PADI4: variants seen among roughly 807,000 people sequenced by gnomAD.
The protein encoded by PADI4 is peptidyl arginine deiminase 4.
Under a neutral mutation model 75.0 loss-of-function variants are expected in PADI4, and 62 were observed. That is an observed-to-expected ratio of 0.83 (90% CI 0.67 to 1.02). The LOEUF (loss-of-function observed/expected upper bound fraction) is 1.02, where lower values mean the gene tolerates loss of function less well. PADI4 is among the 50% of genes least tolerant of loss of function. The pLI is 0.00. For synonymous variants in PADI4, 361 were observed against 348.1 expected, an observed-to-expected ratio of 1.04 and a Z score of -0.41; for missense variants, 845 against 850.5, an observed-to-expected ratio of 0.99 and a Z score of 0.08.
chr1:17,313,168 C>A (rs886861487), intron 1 of PADI4, among the ~76,000 whole-genome samples: 1 of 150,696 alleles, frequency 6.6e-6, no homozygotes, highest in Non-Finnish European at 1.5e-5. Context: ...CCAGCCTAGG[C>A]GACAGAGCGA....
At position 17,352,045 on chromosome 1, in the gene PADI4, C is replaced by T. The variant is rs552263813; in HGVS notation, c.1156-2488C>T. ...GCCAGGGAGGTGATGGGAGGAGAGG[C>T]AGTCAGGGAGGTGATGGGAGGTGGG... On this transcript the variant is annotated intron_variant, in intron 10 of 15. Transcript: ENST00000375448. 1.4e-3 allele frequency among the ~76,000 whole-genome samples: 103 copies of T among 74,612 alleles called. 3 individuals carry two copies. Among genetic ancestry groups the T allele is most frequent in the African/African-American group, 6.0e-3 (92 of 15,360 alleles). 48.9% of individuals were successfully genotyped at this position (74,612 alleles called of 152,430 possible).
intron 13 of PADI4, 135 bp from the exon 14 acceptor site, chr1:17,358,703 C>G: frequency 3.0e-6 from 2 of 673,656 alleles, no homozygotes; most frequent in Non-Finnish European, 5.4e-6. Flanking sequence ...ATGCTCACAG[C>G]AAACCTGTAT....
rs970708731 is a variant in PADI4 at position 17,356,894 on chromosome 1, G to A, written c.1558+435G>A. 3.9e-5 allele frequency among the ~76,000 whole-genome samples: 6 copies of A among 152,310 alleles called. No individual in the cohort carries two copies. In the East Asian group the frequency reaches 5.8e-4, roughly 15 times the overall value. On this transcript the variant is annotated intron_variant, in intron 13 of 15. Transcript: ENST00000375448. The surrounding 1 kb of genome is among the most constrained non-coding windows in gnomAD (Gnocchi z 4.1). ...GTGTGTGAGGACCTCGGGGAGGTTCGGTATAGCTGGAGCACAGATGAAATA... is the reference window on the plus strand; with the variant it reads ...GTGTGTGAGGACCTCGGGGAGGTTCAGTATAGCTGGAGCACAGATGAAATA...
chr1:17,336,294 T>C lies in PADI4; in HGVS notation c.408+68T>C, dbSNP rs143228196. The C allele has an allele frequency of 4.2e-4, 481 of 1,140,208 alleles. 8 individuals are homozygous for C. The East Asian group carries it at 0.011, about 26-fold the overall frequency. The allele number at this position is 1,140,208 out of a possible 1,614,324, so 70.6% of individuals were successfully genotyped here. On this transcript the variant is annotated intron_variant, in intron 4 of 15. Coordinates refer to ENST00000375448, the MANE Select transcript of PADI4 (RefSeq NM_012387.3). Reference sequence around the variant, plus strand: ...CTCCCCGGGCGCCCCCTTGTGGTGATGGGGCAAATGCTGGCCTGTCCCACG... The same window carrying C: ...CTCCCCGGGCGCCCCCTTGTGGTGACGGGGCAAATGCTGGCCTGTCCCACG...
In PADI4 at chr1:17,342,025, C is replaced by A; in HGVS notation, c.735C>A (p.His245Gln). ...SHYLMVPGGKHNMDFYVEALA... is the reference protein window; with the variant it reads ...SHYLMVPGGKQNMDFYVEALA... ...ACCTGATGGTCCCCGGTGGAAAGCACAACATGGACTTCTACGTGGAGGCCC... is the reference window on the plus strand; with the variant it reads ...ACCTGATGGTCCCCGGTGGAAAGCAAAACATGGACTTCTACGTGGAGGCCC... Residue 245 changes from histidine (H) to glutamine (Q), a missense_variant, in exon 7 of 16, where the codon CAC (histidine) becomes CAA (glutamine). Physicochemically the swap from His to Gln is conservative, Grantham distance 24 (BLOSUM62 0). Transcript: ENST00000375448. The A allele has an allele frequency of 6.2e-7, 1 of 1,613,910 alleles. No homozygotes were observed. The highest frequency in any genetic ancestry group is 8.5e-7 in the Non-Finnish European group (1 of 1,179,760).
At chr1:17,355,018 G>A (rs1009642467) in intron 11 of PADI4, among the ~76,000 whole-genome samples, 10 of 152,150 alleles carry the variant, frequency 6.6e-5, no homozygotes, top group Non-Finnish European at 8.8e-5. Context: ...TAGAAAAGTA[G>A]ACAAGATAAC....
At chr1:17,337,722 C>A (rs900005173) in intron 4 of PADI4, among the ~76,000 whole-genome samples, 2 of 151,944 alleles carry the variant, frequency 1.3e-5, no homozygotes, top group Non-Finnish European at 2.9e-5. Flanking sequence ...TTGAGCCATC[C>A]TGGCCAACAT....
chr1:17,356,288 A>C lies in PADI4; in HGVS notation c.1456-69A>C. 1 of 1,302,572 alleles carries C rather than the reference A, an allele frequency of 7.7e-7. No individual in the cohort carries two copies. Among genetic ancestry groups the C allele is most frequent in the Non-Finnish European group, 1.1e-6 (1 of 934,088 alleles). The allele number at this position is 1,302,572 out of a possible 1,614,324, so 80.7% of individuals were successfully genotyped here. ...CCAAGTCCACACTACTCCCACCCTC[A>C]GCAGATCCACCCTCGTTGGGAGCTC... On this transcript the variant is annotated intron_variant, in intron 12 of 15. Coordinates refer to ENST00000375448, the MANE Select transcript of PADI4 (RefSeq NM_012387.3). The surrounding 1 kb of genome is among the most constrained non-coding windows in gnomAD (Gnocchi z 4.1).
intron 6 of PADI4, among the ~76,000 whole-genome samples, chr1:17,341,448 A>C (rs956233410): frequency 6.6e-6 from 1 of 152,132 alleles, no homozygotes; most frequent in Admixed American, 6.5e-5. Flanking sequence ...TGACAGGTCA[A>C]CTTATTGCCT....
intron 15 of PADI4, among the ~76,000 whole-genome samples, chr1:17,363,255 A>T (rs892824431): frequency 6.6e-6 from 1 of 152,206 alleles, no homozygotes; most frequent in Non-Finnish European, 1.5e-5. Context: ...AGTAGCTGGG[A>T]CCACAGGCAC....
intron 3 of PADI4, among the ~76,000 whole-genome samples, chr1:17,335,542 C>T (rs2074294465): frequency 6.6e-6 from 1 of 152,212 alleles, no homozygotes; most frequent in Non-Finnish European, 1.5e-5. Flanking sequence ...CCATATCATG[C>T]TGTGGGGCAC....
intron 1 of PADI4, 55 bp downstream of exon 1, chr1:17,308,369 C>A: frequency 7.4e-7 from 1 of 1,357,162 alleles, no homozygotes; most frequent in Non-Finnish European, 1.1e-6. Context: ...GCTGGATGAC[C>A]CAGTTCTACT....
intron 1 of PADI4, among the ~76,000 whole-genome samples, chr1:17,314,592 G>T (rs1327787603): frequency 6.6e-6 from 1 of 152,208 alleles, no homozygotes; most frequent in Non-Finnish European, 1.5e-5. Flanking sequence ...CAACCACCCA[G>T]GAAGCAGGTC....
chr1:17,336,227 GT>G lies in PADI4; in HGVS notation c.408+2del, dbSNP rs767546530. 36 of 1,612,702 alleles carry G rather than the reference GT, an allele frequency of 2.2e-5. No individual in the cohort carries two copies. The Admixed American group carries it at 6.0e-4, about 27-fold the overall frequency. On this transcript the variant is annotated splice_donor_variant, in intron 4 of 15. Transcript: ENST00000375448. LOFTEE classifies it high-confidence loss of function. ...GCCAACCAGAGCTGTGAAAGATCAG[GT>G]ACCACTCACCCAAACGCTCCTTTCC...
At chr1:17,359,140 C>A (rs2100256832) in intron 14 of PADI4, 140 bp from the exon 15 acceptor site, 2 of 711,700 alleles carry the variant, frequency 2.8e-6, no homozygotes, top group Non-Finnish European at 4.8e-6. Context: ...TGCAGTGAGG[C>A]CTGGCAGCCA....
chr1:17,363,793 T>G lies in PADI4; in HGVS notation c.*38T>G. 7.0e-7 allele frequency: 1 copy of G among 1,422,344 alleles called. No individual in the cohort carries two copies. 88.1% of individuals were successfully genotyped at this position (1,422,344 alleles called of 1,614,324 possible). A position where few individuals can be genotyped will look rare whatever the true frequency, so the allele number is the denominator to read the frequency against. Reference sequence around the variant, plus strand: ...TGGCGTCCTCTCCCTCCTGGCCAGATGTCGCTGGGTCCTCTGCAGTGTGGC... The same window carrying G: ...TGGCGTCCTCTCCCTCCTGGCCAGAGGTCGCTGGGTCCTCTGCAGTGTGGC... On this transcript the variant is annotated 3_prime_UTR_variant, in exon 16 of 16. Transcript: ENST00000375448.
At chr1:17,311,032 C>T (rs1331863886) in intron 1 of PADI4, among the ~76,000 whole-genome samples, 6 of 150,594 alleles carry the variant, frequency 4.0e-5, no homozygotes, top group African/African-American at 7.4e-5. Context: ...AGGAGGCGGA[C>T]GCTGCAGTGA....
chr1:17,344,851 A>C (rs2074487046), intron 8 of PADI4, among the ~76,000 whole-genome samples: 1 of 152,256 alleles, frequency 6.6e-6, no homozygotes, highest in Non-Finnish European at 1.5e-5. Context: ...CTGCTACAGC[A>C]GTGCAGAGGG....
At position 17,339,704 on chromosome 1, in the gene PADI4, G is replaced by A. The variant is rs951497885; in HGVS notation, c.543G>A (p.Ser181=). ...VLDSEDLQDM[S]LMTLSTKTPK... is the part of the protein sequence containing the mutation. Reference sequence around the variant, plus strand: ...TCATCCCAGACCTGCAGGACATGTCGCTGATGACCCTGAGCACGAAGACCC... The same window carrying A: ...TCATCCCAGACCTGCAGGACATGTCACTGATGACCCTGAGCACGAAGACCC... Residue 181 remains serine (S), a synonymous_variant, in exon 6 of 16, where the codon TCG becomes TCA. Transcript: ENST00000375448. 1.4e-5 allele frequency: 23 copies of A among 1,613,752 alleles called. No individual in the cohort carries two copies. Among genetic ancestry groups the A allele is most frequent in the East Asian group, 4.5e-5 (2 of 44,864 alleles).
Sources: allele counts gnomAD v4.1 joint callset (sites outside exome capture counted in the v4.1 genomes callset), GRCh38; gene constraint gnomAD v4.1.1; non-coding constraint Gnocchi (gnomAD v3.1); transcripts MANE v1.5; gene names NCBI Gene and HGNC (gene_info 2026-07-23, HGNC 2026-07-21).